TTLL11: variants seen among roughly 807,000 people sequenced by gnomAD.
TTLL11 encodes tubulin tyrosine ligase like 11, also known as tubulin polyglutamylase TTLL11.
TTLL11 carries 42 observed loss-of-function variants against 51.7 expected under a neutral mutation model. That is an observed-to-expected ratio of 0.81 (90% confidence interval 0.64 to 1.05). The LOEUF is 1.05. Among genes scored for constraint, TTLL11 ranks in the 50% least tolerant of loss-of-function variants. The pLI is 0.00. For synonymous variants in TTLL11, 381 were observed against 383.5 expected (o/e 0.99, Z 0.08); for missense variants, 799 against 940.4 (o/e 0.85, Z 1.97).
intron 3 of TTLL11, among the ~76,000 whole-genome samples, chr9:122,003,993 G>A (rs1320764013): frequency 1.3e-5 from 2 of 151,336 alleles, no homozygotes; most frequent in Non-Finnish European, 1.5e-5. Flanking sequence ...GTGGTGGCAC[G>A]CACCTGTAGT....
intron 6 of TTLL11, among the ~76,000 whole-genome samples, chr9:121,914,269 A>G (rs1474044637): frequency 2.6e-5 from 4 of 152,228 alleles, no homozygotes; most frequent in African/African-American, 9.6e-5. Context: ...CAACAGTAGA[A>G]CTGAATAGAT....
intron 3 of TTLL11, among the ~76,000 whole-genome samples, chr9:122,021,767 A>G (rs1844187874): frequency 6.6e-6 from 1 of 152,226 alleles, no homozygotes. Flanking sequence ...AAATAAGGTA[A>G]GATTCACTAT....
intron 3 of TTLL11, among the ~76,000 whole-genome samples, chr9:122,014,268 G>C (rs932621798): frequency 6.6e-6 from 1 of 152,140 alleles, no homozygotes; most frequent in Admixed American, 6.5e-5. Context: ...AGGAGGCTGA[G>C]GCAGGAAAAT....
chr9:121,869,530 G>A (rs568604567), intron 7 of TTLL11, among the ~76,000 whole-genome samples: 57 of 152,312 alleles, frequency 3.7e-4, no homozygotes, highest in East Asian at 1.7e-3. Context: ...GGGATCTAGA[G>A]TTATTAGATT....
At chr9:122,076,124 T>C (rs976453162) in intron 1 of TTLL11, among the ~76,000 whole-genome samples, 1 of 152,140 alleles carries the variant, frequency 6.6e-6, no homozygotes, top group Non-Finnish European at 1.5e-5. Context: ...TCTTAATCAA[T>C]AATCTTCCCC....
At position 122,032,647 on chromosome 9, in the gene TTLL11, C is replaced by CA. The variant is rs1384330202; in HGVS notation, c.560-792dup. Among the ~76,000 whole-genome samples the CA allele has an allele frequency of 0.013, 1,115 of 84,968 alleles. 45 individuals are homozygous for CA. In the East Asian group the frequency reaches 0.2, roughly 16 times the overall value. 55.7% of individuals were successfully genotyped at this position (84,968 alleles called of 152,430 possible). ...TGGGCAACAGAGCAGGACTCCGTCT[C>CA]AAAAAAAAAAAAAAGGTTGGTGGAT... is the stretch of plus-strand genomic sequence containing the variant. On this transcript the variant is annotated intron_variant, in intron 2 of 8. Coordinates refer to ENST00000321582, the MANE Select transcript of TTLL11 (RefSeq NM_001139442.2).
chr9:122,041,669 A>G (rs142502549), intron 1 of TTLL11, among the ~76,000 whole-genome samples: 30 of 152,284 alleles, frequency 2.0e-4, no homozygotes, highest in Non-Finnish European at 4.0e-4. Flanking sequence ...AATTCCATTT[A>G]TAATAGCATC....
intron 6 of TTLL11, among the ~76,000 whole-genome samples, chr9:121,933,100 G>A (rs1384484680): frequency 1.3e-5 from 2 of 152,102 alleles, no homozygotes; most frequent in African/African-American, 2.4e-5. Context: ...AATATAACAC[G>A]GCGGACAGTA....
intron 6 of TTLL11, among the ~76,000 whole-genome samples, chr9:121,921,843 C>A (rs920374179): frequency 6.6e-6 from 1 of 152,056 alleles, no homozygotes; most frequent in Non-Finnish European, 1.5e-5. Flanking sequence ...TGTTCACAGC[C>A]GCCTCCTCAG....
intron 4 of TTLL11, among the ~76,000 whole-genome samples, chr9:121,981,622 C>T (rs1048667909): frequency 2.6e-5 from 4 of 152,114 alleles, no homozygotes; most frequent in Admixed American, 6.6e-5. Flanking sequence ...GAATGCTGGA[C>T]GTTGCGATAT....
intron 3 of TTLL11, among the ~76,000 whole-genome samples, chr9:122,026,982 G>C (rs373926374): frequency 4.0e-5 from 6 of 151,206 alleles, no homozygotes; most frequent in African/African-American, 1.5e-4. Flanking sequence ...AAATACCTGA[G>C]ACTGGGTAAT....
rs532295468 is a variant in TTLL11 at position 122,047,634 on chromosome 9, G to A, written c.463-8266C>T. Among the ~76,000 whole-genome samples the A allele has an allele frequency of 3.9e-5, 6 of 152,232 alleles. No individual in the cohort carries two copies. The South Asian group carries it at 1.0e-3, about 26-fold the overall frequency. On this transcript the variant is annotated intron_variant, in intron 1 of 8. Transcript: ENST00000321582. Reference sequence around the variant, plus strand: ...AAAGTGTTTCAAGACTAAAGGAGTGGTGGGAAGCTGAGAGGTCAGACAAGA... The same window carrying A: ...AAAGTGTTTCAAGACTAAAGGAGTGATGGGAAGCTGAGAGGTCAGACAAGA...
intron 4 of TTLL11, among the ~76,000 whole-genome samples, chr9:121,981,662 T>C (rs1337090047): frequency 6.6e-6 from 1 of 152,238 alleles, no homozygotes; most frequent in African/African-American, 2.4e-5. Context: ...ACTTTGTCTT[T>C]CTTTTAAAGT....
Position 121,837,915 on chromosome 9 carries a change from G to A in TTLL11, c.1841-15036C>T, listed in dbSNP as rs1225141436. On this transcript the variant is annotated intron_variant, in intron 8 of 8. Coordinates refer to ENST00000321582, the MANE Select transcript of TTLL11 (RefSeq NM_001139442.2). ...CCTCCTGGAGACACGGTCTTCCCACGTCTGTTTCATCTCGCTCTCCTGCTT... is the reference window on the plus strand; with the variant it reads ...CCTCCTGGAGACACGGTCTTCCCACATCTGTTTCATCTCGCTCTCCTGCTT... Among the ~76,000 whole-genome samples the A allele has an allele frequency of 3.3e-5, 5 of 152,236 alleles. 1 individual carries two copies. The South Asian group carries it at 8.3e-4, about 25-fold the overall frequency.
At chr9:122,038,927 A>G (rs1844770797) in intron 2 of TTLL11, among the ~76,000 whole-genome samples, 2 of 152,226 alleles carry the variant, frequency 1.3e-5, no homozygotes, top group Admixed American at 1.3e-4. Context: ...TTTCTATGAC[A>G]TATGCCTAGA....
At chr9:122,060,314 C>T (rs889224549) in intron 1 of TTLL11, among the ~76,000 whole-genome samples, 6 of 152,240 alleles carry the variant, frequency 3.9e-5, no homozygotes, top group African/African-American at 9.6e-5. Context: ...TAGTGATTCA[C>T]AATTTAATAA....
chr9:122,038,027 T>C (rs760745217), intron 2 of TTLL11, among the ~76,000 whole-genome samples: 1 of 152,162 alleles, frequency 6.6e-6, no homozygotes, highest in Non-Finnish European at 1.5e-5. Flanking sequence ...GTAAAATTGA[T>C]AAAATACTAA....
At chr9:121,869,543 C>T (rs1838280953) in intron 7 of TTLL11, among the ~76,000 whole-genome samples, 1 of 152,194 alleles carries the variant, frequency 6.6e-6, no homozygotes, top group Non-Finnish European at 1.5e-5. Context: ...ATTAGATTAA[C>T]ATATACTTAG....
chr9:121,973,873 G>A, intron 6 of TTLL11, 136 bp downstream of exon 6: 1 of 538,192 alleles, frequency 1.9e-6, no homozygotes, highest in East Asian at 3.2e-5. Flanking sequence ...ATAAAACAAA[G>A]ATATTTTATT....
Sources: gnomAD v4.1 joint callset for allele counts (sites outside exome capture counted in the v4.1 genomes callset) on GRCh38, gnomAD v4.1.1 for gene constraint, MANE v1.5 for transcripts, NCBI Gene and HGNC (gene_info 2026-07-23, HGNC 2026-07-21) for gene names.